Variants in MBOAT4 observed in about 807,000 individuals in gnomAD.
The protein encoded by MBOAT4 is membrane bound ghrelin O-acyltransferase MBOAT4.
MBOAT4 carries 11 observed loss-of-function variants against 13.2 expected under a neutral mutation model. The observed-to-expected ratio is 0.84, with a 90% CI of 0.53 to 1.38. MBOAT4 has a LOEUF of 1.38. Among genes scored for constraint, MBOAT4 ranks in the 40% most tolerant of loss-of-function variants. The pLI, the probability that MBOAT4 is intolerant of heterozygous loss-of-function variation, is 0.00. For missense variants in MBOAT4, 481 were observed against 527.2 expected (o/e 0.91, Z 0.86); for synonymous variants, 202 against 210.3 (o/e 0.96, Z 0.34).
In MBOAT4 at chr8:30,138,620, T is replaced by G. The variant is rs1563222439; in HGVS notation, c.256A>C (p.Thr86Pro). Residue 86 changes from threonine (T) to proline (P), a missense_variant, in exon 2 of 3, where the codon ACC (threonine) becomes CCC (proline). Physicochemically the swap from Thr to Pro is conservative, Grantham distance 38. Transcript: ENST00000320542. ...SLAPQQVHRW[T>P]FCFQMSWQTL... ...TGCCAGCTCATCTGAAAGCAGAAGGTCCACCTGTGGACTTGCTGAGGAGCC... is the reference window on the plus strand; with the variant it reads ...TGCCAGCTCATCTGAAAGCAGAAGGGCCACCTGTGGACTTGCTGAGGAGCC... 1 of 1,551,412 alleles carries G rather than the reference T, an allele frequency of 6.4e-7. No individual in the cohort carries two copies. The highest frequency in any genetic ancestry group is 8.7e-7 in the Non-Finnish European group (1 of 1,146,984).
At chr8:30,133,090 A>AT (rs987844569) in intron 2 of MBOAT4, among the ~76,000 whole-genome samples, 184 bp from the exon 3 acceptor site, 3 of 152,198 alleles carry the variant, frequency 2.0e-5, no homozygotes, top group African/African-American at 7.2e-5. Context: ...TTATTTATTT[A>AT]TTTTTTTATA....
At chr8:30,141,787 A>G (rs1803264803) in intron 1 of MBOAT4, among the ~76,000 whole-genome samples, 1 of 152,220 alleles carries the variant, frequency 6.6e-6, no homozygotes, top group South Asian at 2.1e-4. Context: ...TGCAAGGCAA[A>G]TGTGTGTCAC....
Position 30,131,751 on chromosome 8 carries a change from A to T in MBOAT4, c.*192T>A. 1 of 584,266 alleles carries T rather than the reference A, an allele frequency of 1.7e-6. No homozygotes were observed. Among genetic ancestry groups the T allele is most frequent in the Non-Finnish European group, 2.8e-6 (1 of 351,068 alleles). 36.2% of individuals were successfully genotyped at this position (584,266 alleles called of 1,614,324 possible). A position where few individuals can be genotyped will look rare whatever the true frequency, so the allele number is the denominator to read the frequency against. ...GAAACCACATCTTTTTCCTTTTTGT[A>T]TCCTCAGTACCAGCAGAATAGCTTG... On this transcript the variant is annotated 3_prime_UTR_variant, in exon 3 of 3. Coordinates refer to ENST00000320542, the MANE Select transcript of MBOAT4 (RefSeq NM_001100916.2).
chr8:30,138,692 G>A lies in MBOAT4; in HGVS notation c.184C>T (p.Leu62Phe), dbSNP rs1803202309. Residue 62 changes from leucine to phenylalanine, a missense_variant, in exon 2 of 3, where the codon CTC becomes TTC. Leu to Phe is a conservative substitution (Grantham distance 22). Transcript: ENST00000320542. ...GCGCAGACAGCAGGGGTGAAGACGA[G>A]CACGGCGTAGGAACCCATGGCAGCC... ...AVAAMGSYAVLVFTPAVCAVA... is the reference protein window; with the variant it reads ...AVAAMGSYAVFVFTPAVCAVA... 1.9e-6 allele frequency: 3 copies of A among 1,550,878 alleles called. No individual in the cohort carries two copies. The highest frequency in any genetic ancestry group is 2.6e-6 in the Non-Finnish European group (3 of 1,147,004).
At chr8:30,137,586 TTC>T in intron 2 of MBOAT4, 5 of 1,056,808 alleles carry the variant, frequency 4.7e-6, no homozygotes, top group Non-Finnish European at 6.9e-6. Context: ...TTTATATTCA[TTC>T]TAATGAAACT....
chr8:30,132,700 T>C lies in MBOAT4; in HGVS notation c.551A>G (p.Gln184Arg), dbSNP rs953346982. The change falls in exon 3 of 3, where the codon CAG (glutamine) becomes CGG (arginine). Residue 184 changes from glutamine to arginine, a missense_variant. By Grantham distance (43) the Gln-to-Arg change is conservative. Transcript: ENST00000320542. Reference sequence around the variant, plus strand: ...CCCTTGAACACGAGCCTGAAATCGCTGGAAGGAGCACAGAGAGCCTCCCAG... The same window carrying C: ...CCCTTGAACACGAGCCTGAAATCGCCGGAAGGAGCACAGAGAGCCTCCCAG... The part of the protein sequence containing the change: ...ALLGGSLCSF[Q>R]RFQARVQGSS... The C allele has an allele frequency of 1.9e-6, 3 of 1,551,724 alleles. No individual in the cohort carries two copies. Among genetic ancestry groups the C allele is most frequent in the Non-Finnish European group, 2.6e-6 (3 of 1,147,004 alleles).
chr8:30,131,947 T>C lies in MBOAT4; in HGVS notation c.1304A>G (p.Asn435Ser). The change falls in exon 3 of 3, where the codon AAC becomes AGC. Residue 435 changes from asparagine to serine, a missense_variant. Transcript: ENST00000320542. ...LLLAKRKHKCN is the reference protein window; with the variant it reads ...LLLAKRKHKCS ...GGTGAAAGCCAGGGAAAGATGTCAG[T>C]TACATTTGTGCTTTCTCTTCGCCAA... 6.5e-7 allele frequency: 1 copy of C among 1,542,984 alleles called. No individual in the cohort carries two copies. The highest frequency in any genetic ancestry group is 1.4e-5 in the African/African-American group (1 of 72,946).
rs139049519 is a variant in MBOAT4, at chr8:30,131,821, C to A, written c.*122G>T. 1 of 1,176,606 alleles carries A rather than the reference C, an allele frequency of 8.5e-7. No homozygotes were observed. Among genetic ancestry groups the A allele is most frequent in the East Asian group, 2.6e-5 (1 of 38,434 alleles). 72.9% of individuals were successfully genotyped at this position (1,176,606 alleles called of 1,614,324 possible). On this transcript the variant is annotated 3_prime_UTR_variant, in exon 3 of 3. Coordinates refer to ENST00000320542, the MANE Select transcript of MBOAT4 (RefSeq NM_001100916.2). The stretch of plus-strand genomic sequence containing the variant: ...TCCTACTGCAAGTCACTGGGTATAT[C>A]CATCCAAAACTTTAGAAAAAATTTT...
intron 2 of MBOAT4, among the ~76,000 whole-genome samples, chr8:30,134,074 T>C (rs539386273): frequency 1.3e-5 from 2 of 152,320 alleles, no homozygotes; most frequent in African/African-American, 4.8e-5. Context: ...GAGCCTGTAC[T>C]CAAAGATAAT....
Position 30,132,863 on chromosome 8 carries a change from C to A in MBOAT4, c.388G>T (p.Val130Phe). The change falls in exon 3 of 3, where the codon GTC becomes TTC. Residue 130 changes from valine (V) to phenylalanine (F), a missense_variant. Coordinates refer to ENST00000320542, the MANE Select transcript of MBOAT4 (RefSeq NM_001100916.2). ...LSSLMLLTQR[V>F]TSLSLDICEG... ...CAAATGTCCAGAGAGAGGGACGTGA[C>A]CCTCTGGGTCAAGAGCATGAGAGAA... The A allele has an allele frequency of 6.5e-7, 1 of 1,548,230 alleles. No homozygotes were observed. Among genetic ancestry groups the A allele is most frequent in the South Asian group, 1.2e-5 (1 of 83,606 alleles).
intron 2 of MBOAT4, among the ~76,000 whole-genome samples, chr8:30,134,434 C>CAA (rs994330428): frequency 3.6e-5 from 5 of 137,336 alleles, no homozygotes; most frequent in African/African-American, 1.3e-4. Flanking sequence ...AAAAACAAAA[C>CAA]AAAAAAAAAA....
intron 1 of MBOAT4, among the ~76,000 whole-genome samples, chr8:30,143,548 G>C (rs1044547238): frequency 6.6e-6 from 1 of 151,960 alleles, no homozygotes; most frequent in African/African-American, 2.4e-5. Flanking sequence ...AATCTTATAT[G>C]AGCAATCTAA....
intron 1 of MBOAT4, among the ~76,000 whole-genome samples, chr8:30,139,925 C>T (rs1803233001): frequency 6.6e-6 from 1 of 152,216 alleles, no homozygotes; most frequent in Admixed American, 6.5e-5. Flanking sequence ...GACACCATTA[C>T]ACTTCAGCTT....
At position 30,132,335 on chromosome 8, in the gene MBOAT4, A is replaced by T. The variant is rs1286287130; in HGVS notation, c.916T>A (p.Trp306Arg). The part of the protein sequence containing the change: ...THRISVFSRK[W>R]NQSTARWLRR... ...AGCCATCGAGCTGTGCTTTGGTTCC[A>T]CTTTCTTGAGAACACAGATATCCTG... The change falls in exon 3 of 3, where the codon TGG becomes AGG. Residue 306 changes from tryptophan to arginine, a missense_variant. Transcript: ENST00000320542. 12 of 1,551,760 alleles carry T rather than the reference A, an allele frequency of 7.7e-6. No homozygotes were observed. The highest frequency in any genetic ancestry group is 9.6e-6 in the Non-Finnish European group (11 of 1,147,012).
In MBOAT4 at chr8:30,132,744, C is replaced by T; in HGVS notation, c.507G>A (p.Leu169=). Residue 169 remains leucine (L), a synonymous_variant, in exon 3 of 3, where the codon TTG becomes TTA. Transcript: ENST00000320542. ...VCKALPYFSY[L]LFFPALLGGS... is the part of the protein sequence containing the mutation. ...CTCCCAGGAGAGCAGGGAAAAAGAG[C>T]AAGTAGCTGAAATAGGGCAGTGCCT... The T allele has an allele frequency of 1.9e-6, 3 of 1,551,702 alleles. No homozygotes were observed. The highest frequency in any genetic ancestry group is 2.4e-5 in the East Asian group (1 of 40,916).
rs1379139401 is a variant in MBOAT4, at chr8:30,132,018, C to T, written c.1233G>A (p.Ser411=). 4 of 1,551,946 alleles carry T rather than the reference C, an allele frequency of 2.6e-6. No homozygotes were observed. Among genetic ancestry groups the T allele is most frequent in the East Asian group, 2.4e-5 (1 of 40,924 alleles). ...ACACCATGGGAAAGACACTGTTGTACGAATTACAGAGCAACCAGAGAGAGG... is the reference window on the plus strand; with the variant it reads ...ACACCATGGGAAAGACACTGTTGTATGAATTACAGAGCAACCAGAGAGAGG... ...SLSSLWLLCN[S]YNSVFPMVYC... is the part of the protein sequence containing the mutation. Residue 411 remains serine (S), a synonymous_variant, in exon 3 of 3, where the codon TCG becomes TCA. Transcript: ENST00000320542.
intron 2 of MBOAT4, chr8:30,137,121 G>A (rs1803165057): frequency 4.6e-6 from 3 of 654,780 alleles, no homozygotes; most frequent in South Asian, 3.8e-5. Context: ...TGTGCTCCAA[G>A]TGACCCTGAA....
At position 30,138,585 on chromosome 8, in the gene MBOAT4, A is replaced by G. The variant is rs954010619; in HGVS notation, c.291T>C (p.Cys97=). The change falls in exon 2 of 3, where the codon TGT becomes TGC. Residue 97 remains cysteine (C), a synonymous_variant. Coordinates refer to ENST00000320542, the MANE Select transcript of MBOAT4 (RefSeq NM_001100916.2). ...ACTCAGTGTAGTGCAGACCTAGGTG[A>G]CACAAGGTCTGCCAGCTCATCTGAA... is the stretch of plus-strand genomic sequence containing the variant. The part of the protein sequence containing the change: ...FCFQMSWQTL[C]HLGLHYTEYY... The G allele has an allele frequency of 3.2e-6, 5 of 1,551,608 alleles. No homozygotes were observed. The highest frequency in any genetic ancestry group is 1.4e-5 in the African/African-American group (1 of 73,144).
intron 2 of MBOAT4, chr8:30,138,156 T>C (rs561029746): frequency 1.4e-4 from 24 of 171,326 alleles, no homozygotes; most frequent in Non-Finnish European, 2.7e-4. Flanking sequence ...GATCCCCAAA[T>C]GCTCAGGGAA....
Sources: gnomAD v4.1 joint callset for allele counts (sites outside exome capture counted in the v4.1 genomes callset) on GRCh38, gnomAD v4.1.1 for gene constraint, MANE v1.5 for transcripts, NCBI Gene and HGNC (gene_info 2026-07-23, HGNC 2026-07-21) for gene names.